RBFOX3: variants seen among roughly 807,000 people sequenced by gnomAD.
The protein encoded by RBFOX3 is RNA binding fox-1 homolog 3.
Under a neutral mutation model 48.7 loss-of-function variants are expected in RBFOX3, and 17 were observed. The ratio of observed to expected loss-of-function variants is 0.35; its 90% CI spans 0.24 to 0.52. RBFOX3 has a LOEUF of 0.52. Among genes scored for constraint, RBFOX3 ranks in the 20% least tolerant of loss-of-function variants. The probability of loss-of-function intolerance (pLI) is 0.94; values close to 1 mark genes in which losing one functional copy is unlikely to be tolerated. For synonymous variants in RBFOX3, 212 were observed against 209.5 expected, an observed-to-expected ratio of 1.01 and a Z score of -0.10; for missense variants, 382 against 497.5, an observed-to-expected ratio of 0.77 and a Z score of 2.21.
chr17:79,140,325 G>A (rs1048789558), intron 4 of RBFOX3, among the ~76,000 whole-genome samples: 4 of 152,238 alleles, frequency 2.6e-5, no homozygotes, highest in African/African-American at 9.6e-5. Flanking sequence ...TCCACTCTGA[G>A]CCCCATTTCT....
intron 1 of RBFOX3, among the ~76,000 whole-genome samples, chr17:79,606,340 A>T (rs922373484): frequency 5.3e-5 from 8 of 152,180 alleles, no homozygotes; most frequent in African/African-American, 1.9e-4. Flanking sequence ...CCTATCACAC[A>T]GTGGAGCACA....
At chr17:79,184,166 G>T (rs2052900436) in intron 4 of RBFOX3, among the ~76,000 whole-genome samples, 1 of 152,184 alleles carries the variant, frequency 6.6e-6, no homozygotes, top group African/African-American at 2.4e-5. Context: ...GGCTTCTCTG[G>T]CTGCCCAGGG....
chr17:79,509,856 A>C (rs2083841021), intron 1 of RBFOX3, among the ~76,000 whole-genome samples: 1 of 152,062 alleles, frequency 6.6e-6, no homozygotes, highest in Non-Finnish European at 1.5e-5. Flanking sequence ...CCTGAGCCTC[A>C]GCTTCCCCAG....
intron 1 of RBFOX3, among the ~76,000 whole-genome samples, chr17:79,609,577 G>T (rs911674439): frequency 2.6e-3 from 389 of 152,286 alleles, no homozygotes; most frequent in Non-Finnish European, 3.9e-3. Flanking sequence ...AAAGGGGAGG[G>T]GGAGGCAGCT....
intron 1 of RBFOX3, among the ~76,000 whole-genome samples, chr17:79,539,926 A>G (rs549134831): frequency 1.3e-5 from 2 of 152,280 alleles, no homozygotes; most frequent in Admixed American, 1.3e-4. Context: ...CGCGATGTGT[A>G]ACACATACCT....
Position 79,505,039 on chromosome 17 carries a change from C to G in RBFOX3, c.-319-22441G>C, listed in dbSNP as rs1276077603. ...CCCAATAAGGTAAAGCACCCACTGG[C>G]CGGCCAGCTGCTCTGAGCATCCCCA... is the stretch of plus-strand genomic sequence containing the variant. On this transcript the variant is annotated intron_variant, in intron 1 of 14. Transcript: ENST00000693108. Among the ~76,000 whole-genome samples the G allele has an allele frequency of 2.0e-5, 3 of 152,152 alleles. No homozygotes were observed. In the East Asian group the frequency reaches 5.8e-4, roughly 29 times the overall value.
At chr17:79,656,763 AAGGAAG>A in the RBFOX3 span, among the ~76,000 whole-genome samples, 111 of 38,492 alleles carry the variant, frequency 2.9e-3, 3 homozygotes, top group Admixed American at 6.3e-3. Flanking sequence ...GGAAGGAAGG[AAGGAAG>A]GAAGGAAGGA....
In RBFOX3 at chr17:79,220,616, T is replaced by C. The variant is rs1485561466; in HGVS notation, c.-34+15150A>G. Among the ~76,000 whole-genome samples the C allele has an allele frequency of 6.6e-6, 1 of 151,420 alleles. No individual in the cohort carries two copies. Among genetic ancestry groups the C allele is most frequent in the Non-Finnish European group, 1.5e-5 (1 of 67,900 alleles). The stretch of plus-strand genomic sequence containing the variant: ...AGGGGAGGGTGTGTGTGTGTGTGTG[T>C]CGGGGGGACACAAAACCTTCCAGCC... On this transcript the variant is annotated intron_variant, in intron 4 of 14. Transcript: ENST00000693108. This position sits in a 1 kb window ranked among gnomAD's most constrained non-coding sequence, Gnocchi z 5.9.
chr17:79,258,336 T>C (rs2065211079), intron 3 of RBFOX3, among the ~76,000 whole-genome samples: 1 of 152,150 alleles, frequency 6.6e-6, no homozygotes, highest in African/African-American at 2.4e-5. Context: ...GATTCCCGCT[T>C]AAATCTCAAA....
intron 4 of RBFOX3, among the ~76,000 whole-genome samples, chr17:79,132,216 C>A (rs565091809): frequency 7.5e-6 from 1 of 132,948 alleles, no homozygotes; most frequent in Non-Finnish European, 1.5e-5. Flanking sequence ...GGGCTGAGGT[C>A]AGACTCAGGC....
chr17:79,346,455 G>A (rs946167916), intron 2 of RBFOX3, among the ~76,000 whole-genome samples: 9 of 152,160 alleles, frequency 5.9e-5, no homozygotes, highest in African/African-American at 1.4e-4. Context: ...CCTGGGAATT[G>A]ATTAATTGGT....
rs2058311261 is a variant in RBFOX3 at position 79,370,073 on chromosome 17, A to G, written c.-174-62249T>C. Among the ~76,000 whole-genome samples the G allele has an allele frequency of 2.6e-5, 4 of 152,208 alleles. No individual in the cohort carries two copies. The South Asian group carries it at 8.3e-4, about 31-fold the overall frequency. On this transcript the variant is annotated intron_variant, in intron 2 of 14. Coordinates refer to ENST00000693108, the MANE Select transcript of RBFOX3 (RefSeq NM_001350451.2). Reference sequence around the variant, plus strand: ...CACACCTGGGGCCTCGCTGGCTTCCAGCCCTTCCTGATGCTCCCTGCTCTG... The same window carrying G: ...CACACCTGGGGCCTCGCTGGCTTCCGGCCCTTCCTGATGCTCCCTGCTCTG...
At chr17:79,225,724 G>T (rs2060238507) in intron 4 of RBFOX3, among the ~76,000 whole-genome samples, 1 of 152,192 alleles carries the variant, frequency 6.6e-6, no homozygotes, top group Non-Finnish European at 1.5e-5. Flanking sequence ...AGCCGGAGGG[G>T]GTACTGGGTC....
the RBFOX3 span, among the ~76,000 whole-genome samples, chr17:79,649,497 G>T: frequency 6.6e-6 from 1 of 152,180 alleles, no homozygotes; most frequent in East Asian, 1.9e-4. Context: ...CCTGAGGTCA[G>T]GAGTTCAAGA....
At chr17:79,456,804 G>A (rs869443) in intron 2 of RBFOX3, among the ~76,000 whole-genome samples, 82,873 of 151,740 alleles carry the variant, frequency 0.55, 22,970 homozygotes, top group Middle Eastern at 0.6. Context: ...ACACAAGCTC[G>A]AGAGGTCTGG....
chr17:79,442,671 C>T (rs2071389328), intron 2 of RBFOX3, among the ~76,000 whole-genome samples: 1 of 152,108 alleles, frequency 6.6e-6, no homozygotes, highest in Non-Finnish European at 1.5e-5. Flanking sequence ...AACCTCATTT[C>T]CCAGAGAGGA....
chr17:79,413,959 A>C (rs2064896552), intron 2 of RBFOX3, among the ~76,000 whole-genome samples: 1 of 151,090 alleles, frequency 6.6e-6, no homozygotes, highest in East Asian at 2.0e-4. Flanking sequence ...GAGAGGGGGC[A>C]TGTAGGGGGC....
At chr17:79,459,724 C>T (rs1555747522) in intron 2 of RBFOX3, among the ~76,000 whole-genome samples, 1 of 152,102 alleles carries the variant, frequency 6.6e-6, no homozygotes, top group Non-Finnish European at 1.5e-5. Context: ...CTGTTCCTTG[C>T]AGGTGGGACA....
intron 1 of RBFOX3, among the ~76,000 whole-genome samples, chr17:79,493,353 C>T (rs908965023): frequency 6.6e-6 from 1 of 152,182 alleles, no homozygotes; most frequent in Non-Finnish European, 1.5e-5. Flanking sequence ...GAGGGGGACA[C>T]ACATCCAAAC....
Sources: gnomAD v4.1 joint callset for allele counts (sites outside exome capture counted in the v4.1 genomes callset) on GRCh38, gnomAD v4.1.1 for gene constraint, Gnocchi (gnomAD v3.1) non-coding constraint, MANE v1.5 for transcripts, NCBI Gene and HGNC (gene_info 2026-07-23, HGNC 2026-07-21) for gene names.